Variants in CFAP47 observed in about 807,000 individuals in gnomAD.
The protein encoded by CFAP47 is cilia and flagella associated protein 47.
A neutral mutation model predicts 148.1 loss-of-function variants in CFAP47; 29 were observed. The ratio of observed to expected loss-of-function variants is 0.20; its 90% confidence interval spans 0.15 to 0.27. CFAP47 has a LOEUF of 0.27. Ranked by LOEUF, CFAP47 falls within the 10% of genes least tolerant of loss-of-function variation. The pLI, the probability that CFAP47 is intolerant of heterozygous loss-of-function variation, is 1.00. For missense variants in CFAP47, 1,872 were observed against 1,697.5 expected, an observed-to-expected ratio of 1.10 and a Z score of -1.81; for synonymous variants, 664 against 577.3, an observed-to-expected ratio of 1.15 and a Z score of -2.15.
At chrX:35,989,251 G>T (rs772144729) in intron 15 of CFAP47, 68 bp from the exon 16 acceptor site, 17 of 824,052 alleles carry the variant, frequency 2.1e-5, no homozygotes, top group Non-Finnish European at 2.6e-5. Context: ...TCTTATTTTG[G>T]ATATTAACAA....
At chrX:36,210,456 T>C (rs1472903545) in intron 45 of CFAP47, among the ~76,000 whole-genome samples, 1 of 112,359 alleles carries the variant, frequency 8.9e-6, no homozygotes, top group Non-Finnish European at 1.9e-5. Context: ...TGATGAATAA[T>C]GATGTTGAGC....
At chrX:36,224,485 T>C (rs1381602825) in intron 45 of CFAP47, among the ~76,000 whole-genome samples, 2 of 111,904 alleles carry the variant, frequency 1.8e-5, no homozygotes, top group Non-Finnish European at 3.8e-5. Flanking sequence ...TTGTATAGTC[T>C]CCCTTTCCTC....
chrX:36,325,070 T>C (rs1941507158), intron 57 of CFAP47, among the ~76,000 whole-genome samples: 1 of 111,455 alleles, frequency 9.0e-6, no homozygotes. Flanking sequence ...TCCTCAACAT[T>C]TCTGTTAGAA....
At chrX:35,925,796 A>G (rs936919978) in intron 1 of CFAP47, among the ~76,000 whole-genome samples, 7 of 111,878 alleles carry the variant, frequency 6.3e-5, no homozygotes, top group Middle Eastern at 4.6e-3. Context: ...AGCTGGGACT[A>G]CAGCTGCACA....
chrX:35,931,566 T>G (rs1293585246), intron 2 of CFAP47, among the ~76,000 whole-genome samples: 2 of 111,744 alleles, frequency 1.8e-5, no homozygotes, highest in African/African-American at 6.5e-5. Context: ...GTTTATTATT[T>G]GTTTTCTCAT....
chrX:35,977,773 G>A (rs1936590690), intron 15 of CFAP47, among the ~76,000 whole-genome samples: 1 of 111,784 alleles, frequency 8.9e-6, no homozygotes, highest in African/African-American at 3.3e-5. Context: ...GTAACAGGGA[G>A]TGTTATAAAA....
chrX:36,099,789 T>A lies in CFAP47; in HGVS notation c.5037T>A (p.Pro1679=). 1 of 882,004 alleles carries A rather than the reference T, an allele frequency of 1.1e-6. No individual in the cohort carries two copies. The highest frequency in any genetic ancestry group is 1.7e-6 in the Non-Finnish European group (1 of 596,881). 72.7% of individuals were successfully genotyped at this position (882,004 alleles called of 1,213,427 possible). The change falls in exon 32 of 64, where the codon CCT becomes CCA. Residue 1679 remains proline, a synonymous_variant. Transcript: ENST00000378653. ...TNTMPVSSCT[P]KKKCSIVIEM... The stretch of plus-strand genomic sequence containing the variant: ...CGATGCCTGTGAGTTCCTGTACACC[T>A]AAGAAAAAATGTTCTATTGTTATAG...
rs140271191 is a variant in CFAP47, at chrX:36,296,434, G to C, written c.7687-2543G>C. 4.3e-3 allele frequency among the ~76,000 whole-genome samples: 486 copies of C among 112,009 alleles called. 3 individuals are homozygous for C. Among genetic ancestry groups the C allele is most frequent in the Middle Eastern group, 0.014 (3 of 215 alleles). On this transcript the variant is annotated intron_variant, in intron 51 of 63. Coordinates refer to ENST00000378653, the MANE Select transcript of CFAP47 (RefSeq NM_001304548.2). ...AAATTTAATGTGTAGGTCACAACATGTGAGTGGCTCAACATGTGAGTGGGA... is the reference window on the plus strand; with the variant it reads ...AAATTTAATGTGTAGGTCACAACATCTGAGTGGCTCAACATGTGAGTGGGA...
chrX:36,201,256 T>A lies in CFAP47; in HGVS notation c.6437-18T>A. The A allele has an allele frequency of 1.0e-5, 3 of 294,446 alleles. No homozygotes were observed. The highest frequency in any genetic ancestry group is 9.6e-5 in the East Asian group (2 of 20,826). The allele number at this position is 294,446 out of a possible 1,213,427, so 24.3% of individuals were successfully genotyped here. ...TAAATGTTCATTGTATTCATTAATATTTTTTTTCTTCCTCCAGGGCCTAAT... is the reference window on the plus strand; with the variant it reads ...TAAATGTTCATTGTATTCATTAATAATTTTTTTCTTCCTCCAGGGCCTAAT... On this transcript the variant is annotated intron_variant, in intron 43 of 63. Transcript: ENST00000378653.
In CFAP47 at chrX:36,251,487, G is replaced by A. The variant is rs782543872; in HGVS notation, c.7444+43G>A. 5.6e-5 allele frequency: 25 copies of A among 443,068 alleles called. 1 individual carries two copies. The highest frequency in any genetic ancestry group is 2.1e-4 in the Admixed American group (6 of 28,599). The allele number at this position is 443,068 out of a possible 1,213,427, so 36.5% of individuals were successfully genotyped here. On this transcript the variant is annotated intron_variant, in intron 49 of 63. Coordinates refer to ENST00000378653, the MANE Select transcript of CFAP47 (RefSeq NM_001304548.2). ...AAAATATTAGTCATTTTCCTACTAC[G>A]CTAAGATGGAAATATGATGAGACAA...
chrX:36,168,090 G>T (rs1181801236), intron 39 of CFAP47, among the ~76,000 whole-genome samples: 3 of 111,035 alleles, frequency 2.7e-5, no homozygotes, highest in African/African-American at 9.8e-5. Context: ...CAATTGGTTT[G>T]TGTTTTTGAA....
intron 55 of CFAP47, among the ~76,000 whole-genome samples, chrX:36,307,913 A>G (rs1396410046): frequency 8.9e-6 from 1 of 112,000 alleles, no homozygotes; most frequent in Non-Finnish European, 1.9e-5. Context: ...AAAATATTAA[A>G]GGAGACAAAC....
intron 25 of CFAP47, among the ~76,000 whole-genome samples, chrX:36,040,883 A>G (rs1277323934): frequency 1.8e-5 from 2 of 112,025 alleles, no homozygotes; most frequent in African/African-American, 6.5e-5. Flanking sequence ...CCTTTAGAAA[A>G]AGAATTAGGC....
intron 57 of CFAP47, among the ~76,000 whole-genome samples, chrX:36,341,617 G>A (rs1293730731): frequency 9.0e-6 from 1 of 110,934 alleles, no homozygotes; most frequent in East Asian, 2.8e-4. Context: ...AGATCAAAGA[G>A]TAAAAATTTC....
intron 57 of CFAP47, among the ~76,000 whole-genome samples, chrX:36,321,914 A>C (rs1556012061): frequency 9.0e-6 from 1 of 111,241 alleles, no homozygotes; most frequent in East Asian, 2.8e-4. Context: ...ATGTCATTCC[A>C]CATTTTGAAA....
chrX:36,345,943 A>G (rs1279070384), intron 57 of CFAP47, among the ~76,000 whole-genome samples: 1 of 111,665 alleles, frequency 9.0e-6, no homozygotes, highest in African/African-American at 3.2e-5. Context: ...GCCATTTTTA[A>G]TTTCCATTTG....
At chrX:36,254,304 A>G (rs1165949921) in intron 49 of CFAP47, among the ~76,000 whole-genome samples, 1 of 111,398 alleles carries the variant, frequency 9.0e-6, no homozygotes, top group Non-Finnish European at 1.9e-5. Context: ...TCTGTAAATT[A>G]AAAAGTAGAT....
intron 1 of CFAP47, among the ~76,000 whole-genome samples, chrX:35,924,007 GTAAATA>G (rs1438175479): frequency 1.1e-4 from 11 of 101,347 alleles, no homozygotes; most frequent in South Asian, 4.3e-4. Flanking sequence ...GTGTATATGT[GTAAATA>G]TATATGCACA....
intron 62 of CFAP47, among the ~76,000 whole-genome samples, chrX:36,369,464 A>G (rs1941909972): frequency 9.0e-6 from 1 of 110,697 alleles, no homozygotes; most frequent in Non-Finnish European, 1.9e-5. Flanking sequence ...TAAAGATTCA[A>G]TAGCAAATGG....
Sources: allele counts gnomAD v4.1 joint callset (sites outside exome capture counted in the v4.1 genomes callset), GRCh38; gene constraint gnomAD v4.1.1; transcripts MANE v1.5; gene names NCBI Gene and HGNC (gene_info 2026-07-23, HGNC 2026-07-21).